The following RAB3GAP2 variants were observed in gnomAD, a reference collection of about 807,000 sequenced individuals.
RAB3GAP2 encodes rab3 GTPase-activating protein non-catalytic subunit.
RAB3GAP2 carries 87 observed loss-of-function variants against 185.3 expected under a neutral mutation model. The observed-to-expected ratio is 0.47, with a 90% CI of 0.39 to 0.56. The LOEUF (loss-of-function observed/expected upper bound fraction) is 0.56. Ranked by LOEUF, RAB3GAP2 falls within the 20% of genes least tolerant of loss-of-function variation. The pLI is 0.00. For synonymous variants in RAB3GAP2, 554 were observed against 576.1 expected (o/e 0.96, Z 0.55); for missense variants, 1,492 against 1,638.2 (o/e 0.91, Z 1.54).
Position 220,272,338 on chromosome 1 carries a change from G to A in RAB3GAP2, c.-1C>T, listed in dbSNP as rs1314075611. On this transcript the variant is annotated 5_prime_UTR_variant, in exon 1 of 35. Coordinates refer to ENST00000358951, the MANE Select transcript of RAB3GAP2 (RefSeq NM_012414.4). ...AGAACTGGACAATGGAGCAGGCCAT[G>A]GCTCCAGGGAACCCCACTACGGCAC... The A allele has an allele frequency of 1.9e-6, 3 of 1,602,680 alleles. No homozygotes were observed. The highest frequency in any genetic ancestry group is 1.7e-4 in the Middle Eastern group (1 of 6,026).
Position 220,153,270 on chromosome 1 carries a change from T to C in RAB3GAP2, c.3782A>G (p.His1261Arg). The C allele has an allele frequency of 1.2e-6, 2 of 1,614,196 alleles. No individual in the cohort carries two copies. The highest frequency in any genetic ancestry group is 1.7e-6 in the Non-Finnish European group (2 of 1,180,006). ...DWPALAVDLA[H>R]HLQVSEDVVR... is the part of the protein sequence containing the mutation. ...AACATCTTCACTAACTTGAAGGTGA[T>C]GGGCTAAATCCACAGCTAGAGCTGG... Residue 1261 changes from histidine (H) to arginine (R), a missense_variant, in exon 33 of 35, where the codon CAT (histidine) becomes CGT (arginine). His to Arg is a conservative substitution (Grantham distance 29). Transcript: ENST00000358951.
intron 32 of RAB3GAP2, chr1:220,153,723 G>A (rs1048266620): frequency 4.3e-6 from 2 of 460,820 alleles, no homozygotes; most frequent in East Asian, 4.6e-5. Context: ...TTTACATTAG[G>A]TATATCTCCT....
chr1:220,149,992 A>C lies in RAB3GAP2; in HGVS notation c.*1259T>G, dbSNP rs1163870894. 1 of 152,212 alleles carries C rather than the reference A, an allele frequency of 6.6e-6. No individual in the cohort carries two copies. Among genetic ancestry groups the C allele is most frequent in the African/African-American group, 2.4e-5 (1 of 41,446 alleles). 9.4% of individuals were successfully genotyped at this position (152,212 alleles called of 1,614,324 possible). A position where few individuals can be genotyped will look rare whatever the true frequency, so the allele number is the denominator to read the frequency against. On this transcript the variant is annotated 3_prime_UTR_variant, in exon 35 of 35. Coordinates refer to ENST00000358951, the MANE Select transcript of RAB3GAP2 (RefSeq NM_012414.4). ...ATGAATAATAATTGTGATCCATGAC[A>C]GATACCCATAATTACACTGTATGGC... is the stretch of plus-strand genomic sequence containing the variant.
chr1:220,223,445 A>G (rs2102887126), intron 2 of RAB3GAP2, among the ~76,000 whole-genome samples: 1 of 152,342 alleles, frequency 6.6e-6, no homozygotes. Context: ...TGCGTTCCCC[A>G]AAAGAATTAT....
In RAB3GAP2 at chr1:220,182,458, G is replaced by C; in HGVS notation, c.2213-104C>G. 5 of 1,543,686 alleles carry C rather than the reference G, an allele frequency of 3.2e-6. No homozygotes were observed. The South Asian group carries it at 4.9e-5, about 15-fold the overall frequency. The stretch of plus-strand genomic sequence containing the variant: ...GAATTCCAGAGAAACAAAACATTAT[G>C]AAGGAAGAGAAATTAATTGTTCAAT... On this transcript the variant is annotated intron_variant, in intron 20 of 34. Transcript: ENST00000358951.
At chr1:220,258,131 T>C (rs528895831) in intron 1 of RAB3GAP2, among the ~76,000 whole-genome samples, 22 of 152,130 alleles carry the variant, frequency 1.4e-4, no homozygotes, top group Non-Finnish European at 2.1e-4. Flanking sequence ...CAGGACAAGA[T>C]GGATTCACAG....
rs749619692 is a variant in RAB3GAP2, at chr1:220,190,093, G to T, written c.1685C>A (p.Ala562Asp). 1.2e-6 allele frequency: 2 copies of T among 1,613,386 alleles called. No homozygotes were observed. The highest frequency in any genetic ancestry group is 2.2e-5 in the South Asian group (2 of 91,070). ...KDMHLVKKLA[A>D]LLKTKSPNLD... ...ATTGGGAGATTTTGTTTTCAGTAAG[G>T]CTGCTAGTTTCTTCACTAGGTGCAT... Residue 562 changes from alanine to aspartate, a missense_variant, in exon 16 of 35, where the codon GCC becomes GAC. Coordinates refer to ENST00000358951, the MANE Select transcript of RAB3GAP2 (RefSeq NM_012414.4).
At chr1:220,272,010 TAAG>T (rs922783439) in intron 1 of RAB3GAP2, among the ~76,000 whole-genome samples, 4 of 151,064 alleles carry the variant, frequency 2.6e-5, no homozygotes, top group Non-Finnish European at 4.4e-5. Flanking sequence ...TCAGAGGGCC[TAAG>T]GAGAAAAGCT....
At chr1:220,248,581 T>C (rs1558169926) in intron 1 of RAB3GAP2, among the ~76,000 whole-genome samples, 1 of 151,806 alleles carries the variant, frequency 6.6e-6, no homozygotes, top group East Asian at 1.9e-4. Context: ...CTTAAAACAA[T>C]TCTCATTAAA....
rs1177093631 is a variant in RAB3GAP2, at chr1:220,182,897, T to C, written c.2033A>G (p.Glu678Gly). 3.7e-6 allele frequency: 6 copies of C among 1,613,472 alleles called. No individual in the cohort carries two copies. In the South Asian group the frequency reaches 6.6e-5, roughly 18 times the overall value. ...TAGTAATGCCTGGAGCTTAAGCAGTTCTTTTTCATCAAGCCTTAGTAACAG... is the reference window on the plus strand; with the variant it reads ...TAGTAATGCCTGGAGCTTAAGCAGTCCTTTTTCATCAAGCCTTAGTAACAG... ...LALLLRLDEK[E>G]LLKLQALLEK... Residue 678 changes from glutamate (E) to glycine (G), a missense_variant, in exon 20 of 35, where the codon GAA becomes GGA. Glu to Gly is a moderately conservative substitution (Grantham distance 98, BLOSUM62 -2). Around this residue, in one of 5 missense-constraint regions of RAB3GAP2, gnomAD observed 681 missense variants for 689.1 expected, o/e 0.99. Coordinates refer to ENST00000358951, the MANE Select transcript of RAB3GAP2 (RefSeq NM_012414.4).
At chr1:220,181,220 C>A (rs1658398462) in intron 21 of RAB3GAP2, among the ~76,000 whole-genome samples, 2 of 152,168 alleles carry the variant, frequency 1.3e-5, no homozygotes, top group Non-Finnish European at 2.9e-5. Flanking sequence ...CTCCCTGATT[C>A]AAGGGATCCT....
chr1:220,269,017 T>C (rs1390294602), intron 1 of RAB3GAP2, among the ~76,000 whole-genome samples: 2 of 152,216 alleles, frequency 1.3e-5, no homozygotes, highest in Non-Finnish European at 2.9e-5. Flanking sequence ...GCCTAGAGGT[T>C]ACCATACTGG....
At chr1:220,270,486 C>G (rs773667420) in intron 1 of RAB3GAP2, among the ~76,000 whole-genome samples, 10 of 152,170 alleles carry the variant, frequency 6.6e-5, no homozygotes, top group Non-Finnish European at 8.8e-5. Context: ...GGTTGAAAAT[C>G]TGTATCCTTC....
intron 7 of RAB3GAP2, among the ~76,000 whole-genome samples, chr1:220,207,134 T>A (rs1423347386): frequency 6.6e-6 from 1 of 152,234 alleles, no homozygotes; most frequent in Admixed American, 6.5e-5. Context: ...TTCATCATTA[T>A]AAACATCACT....
intron 1 of RAB3GAP2, among the ~76,000 whole-genome samples, chr1:220,264,896 T>G (rs1301434713): frequency 6.6e-6 from 1 of 152,150 alleles, no homozygotes. Context: ...ACGTGTCTTC[T>G]TTTATTAGCT....
At chr1:220,176,969 AGCCAACAAAACAG>A (rs1407811399) in intron 21 of RAB3GAP2, among the ~76,000 whole-genome samples, 1 of 152,124 alleles carries the variant, frequency 6.6e-6, no homozygotes, top group African/African-American at 2.4e-5. Flanking sequence ...TAACCATCTG[AGCCAACAAAACAG>A]GCCCCCCAGC....
intron 2 of RAB3GAP2, chr1:220,219,449 T>C (rs767845215): frequency 4.6e-5 from 7 of 152,242 alleles, no homozygotes; most frequent in Non-Finnish European, 7.3e-5. Flanking sequence ...ACACAGTCCC[T>C]GGACAATTTA....
At chr1:220,165,476 G>A (rs1658046491) in intron 26 of RAB3GAP2, among the ~76,000 whole-genome samples, 1 of 151,800 alleles carries the variant, frequency 6.6e-6, no homozygotes, top group African/African-American at 2.4e-5. Flanking sequence ...TTAGATATCT[G>A]CTAAATAATT....
Position 220,185,793 on chromosome 1 carries a change from T to A in RAB3GAP2, c.1780-52A>T, listed in dbSNP as rs551152275. The A allele has an allele frequency of 1.5e-5, 21 of 1,408,796 alleles. No homozygotes were observed. The East Asian group carries it at 3.9e-4, about 26-fold the overall frequency. 87.3% of individuals were successfully genotyped at this position (1,408,796 alleles called of 1,614,324 possible). On this transcript the variant is annotated intron_variant, in intron 17 of 34. Transcript: ENST00000358951. ...AGTAATTATAAGGCAGTGATTTTGT[T>A]TTTTAAATCTTATATTTATGCCCAA...
Sources: gnomAD v4.1 joint callset for allele counts (sites outside exome capture counted in the v4.1 genomes callset) on GRCh38, gnomAD v4.1.1 for gene constraint, gnomAD v4.1.1 regional missense constraint, MANE v1.5 for transcripts, NCBI Gene and HGNC (gene_info 2026-07-23, HGNC 2026-07-21) for gene names.